Variants in ARHGAP10 observed in about 807,000 individuals in gnomAD.
ARHGAP10 encodes the protein rho GTPase-activating protein 10.
In ARHGAP10, 87 loss-of-function variants were observed where a neutral mutation model predicts 108.6. That is an observed-to-expected ratio of 0.80 (90% CI 0.67 to 0.96). The LOEUF is 0.96. Ranked by LOEUF, ARHGAP10 falls within the 40% of genes least tolerant of loss-of-function variation. The probability of loss-of-function intolerance (pLI) is 0.00; values close to 1 mark genes in which losing one functional copy is unlikely to be tolerated. For missense variants in ARHGAP10, 939 were observed against 954.5 expected (o/e 0.98, Z 0.21); for synonymous variants, 347 against 341.1 (o/e 1.02, Z -0.19).
chr4:148,068,711 C>G (rs2149694537), intron 22 of ARHGAP10, among the ~76,000 whole-genome samples: 1 of 152,236 alleles, frequency 6.6e-6, no homozygotes, highest in Middle Eastern at 3.4e-3. Flanking sequence ...AGGACAGAGC[C>G]CAGGACGCAG....
chr4:147,900,729 A>C (rs1352476380), intron 10 of ARHGAP10, among the ~76,000 whole-genome samples: 1 of 152,172 alleles, frequency 6.6e-6, no homozygotes, highest in Non-Finnish European at 1.5e-5. Flanking sequence ...TAATGGAGTC[A>C]CTAGTGTTAG....
intron 13 of ARHGAP10, among the ~76,000 whole-genome samples, chr4:147,926,320 T>C (rs1245341691): frequency 6.6e-6 from 1 of 151,866 alleles, no homozygotes; most frequent in Non-Finnish European, 1.5e-5. Flanking sequence ...AGATAAGAAA[T>C]GATGGAGGTT....
chr4:148,024,739 C>T (rs1741700698), intron 19 of ARHGAP10, among the ~76,000 whole-genome samples: 1 of 152,192 alleles, frequency 6.6e-6, no homozygotes, highest in Non-Finnish European at 1.5e-5. Context: ...TTTATTCTGT[C>T]TCTTTCTTAC....
chr4:148,070,254 C>T (rs1333890997), intron 22 of ARHGAP10, among the ~76,000 whole-genome samples: 1 of 152,050 alleles, frequency 6.6e-6, no homozygotes, highest in Non-Finnish European at 1.5e-5. Flanking sequence ...GGAGAGGAGT[C>T]CTGGAAGTGG....
chr4:148,055,572 C>T (rs528310445), intron 20 of ARHGAP10, among the ~76,000 whole-genome samples: 1 of 152,192 alleles, frequency 6.6e-6, no homozygotes, highest in South Asian at 2.1e-4. Context: ...ACCTGTAATC[C>T]CAGCTACTCG....
chr4:147,855,816 T>A (rs1383703390), intron 4 of ARHGAP10, among the ~76,000 whole-genome samples: 1 of 152,028 alleles, frequency 6.6e-6, no homozygotes, highest in Non-Finnish European at 1.5e-5. Flanking sequence ...GGCTTTTAGA[T>A]GACCTGACAG....
At chr4:148,001,657 T>G (rs1454619077) in intron 18 of ARHGAP10, among the ~76,000 whole-genome samples, 3 of 151,218 alleles carry the variant, frequency 2.0e-5, no homozygotes, top group African/African-American at 7.3e-5. Flanking sequence ...TTCTAGGTAT[T>G]TTATTCTCTT....
At chr4:147,869,313 C>T (rs1310406476) in intron 7 of ARHGAP10, among the ~76,000 whole-genome samples, 2 of 152,006 alleles carry the variant, frequency 1.3e-5, no homozygotes, top group African/African-American at 2.4e-5. Context: ...TTGCACGGCT[C>T]GTTTATTTGT....
intron 3 of ARHGAP10, among the ~76,000 whole-genome samples, chr4:147,840,091 G>A (rs1286679498): frequency 1.3e-5 from 2 of 152,122 alleles, no homozygotes; most frequent in Non-Finnish European, 2.9e-5. Flanking sequence ...CTCTTGGCCA[G>A]CTTTCTCCCA....
In ARHGAP10 at chr4:147,732,511, C is replaced by A. The variant is rs1728257527; in HGVS notation, c.154+56C>A. 1.9e-6 allele frequency: 3 copies of A among 1,598,224 alleles called. No homozygotes were observed. In the South Asian group the frequency reaches 3.4e-5, roughly 18 times the overall value. ...CGGCGTGGCGAGGCGGCTGGGGGAG[C>A]CTCTCTCGGCAGGAGACGGAGGGTC... On this transcript the variant is annotated intron_variant, in intron 1 of 22. Transcript: ENST00000336498.
chr4:148,023,534 A>G, intron 19 of ARHGAP10, 121 bp downstream of exon 19: 3 of 1,161,800 alleles, frequency 2.6e-6, no homozygotes, highest in Non-Finnish European at 3.4e-6. Flanking sequence ...CCTTAAGATT[A>G]TAATTTTGAG....
At position 147,875,017 on chromosome 4, in the gene ARHGAP10, T is replaced by C; in HGVS notation, c.703-4T>C. 1 of 1,577,982 alleles carries C rather than the reference T, an allele frequency of 6.3e-7. No homozygotes were observed. Among genetic ancestry groups the C allele is most frequent in the Non-Finnish European group, 8.6e-7 (1 of 1,169,014 alleles). On this transcript the variant is annotated splice_polypyrimidine_tract_variant and splice_region_variant and intron_variant, in intron 7 of 22. Coordinates refer to ENST00000336498, the MANE Select transcript of ARHGAP10 (RefSeq NM_024605.4). ...ATTTATGTGTGTTTTTTAATCCATTTCAGACACGGAATCGATTTGAAGGAA... is the reference window on the plus strand; with the variant it reads ...ATTTATGTGTGTTTTTTAATCCATTCCAGACACGGAATCGATTTGAAGGAA...
At chr4:147,914,324 C>T (rs1736869815) in intron 13 of ARHGAP10, among the ~76,000 whole-genome samples, 1 of 152,018 alleles carries the variant, frequency 6.6e-6, no homozygotes, top group African/African-American at 2.4e-5. Context: ...ACCTACCTTC[C>T]TCCTTTCCTG....
rs922022558 is a variant in ARHGAP10, at chr4:147,885,908, T to C, written c.1034+3976T>C. ...AATGTTTAGCTCCCTAATCCTAAAA[T>C]CCGAGATCTATAATGCTTCCAAATG... On this transcript the variant is annotated intron_variant, in intron 10 of 22. Coordinates refer to ENST00000336498, the MANE Select transcript of ARHGAP10 (RefSeq NM_024605.4). Among the ~76,000 whole-genome samples, 5 of 152,192 alleles carry C rather than the reference T, an allele frequency of 3.3e-5. No homozygotes were observed. The South Asian group carries it at 1.0e-3, about 31-fold the overall frequency.
intron 20 of ARHGAP10, among the ~76,000 whole-genome samples, chr4:148,053,697 C>A (rs1363330488): frequency 2.6e-5 from 4 of 152,150 alleles, no homozygotes; most frequent in African/African-American, 9.7e-5. Context: ...AACTTTTGTC[C>A]TGTGTGTTTC....
At chr4:147,828,884 T>TG (rs909158644) in intron 3 of ARHGAP10, among the ~76,000 whole-genome samples, 2 of 151,466 alleles carry the variant, frequency 1.3e-5, no homozygotes, top group Non-Finnish European at 2.9e-5. Flanking sequence ...AAGATAGTTT[T>TG]TTTTTTTTTT....
At chr4:147,993,303 A>G (rs1218988763) in intron 18 of ARHGAP10, among the ~76,000 whole-genome samples, 1 of 152,222 alleles carries the variant, frequency 6.6e-6, no homozygotes, top group Non-Finnish European at 1.5e-5. Flanking sequence ...GGGTGGGAAT[A>G]TAGATGAACT....
At chr4:147,795,910 G>T (rs920891950) in intron 1 of ARHGAP10, among the ~76,000 whole-genome samples, 15 of 151,958 alleles carry the variant, frequency 9.9e-5, no homozygotes, top group Non-Finnish European at 2.2e-4. Flanking sequence ...GGACAAGCTG[G>T]TCTCAAACTC....
At chr4:147,840,629 A>C (rs1579104461) in intron 3 of ARHGAP10, among the ~76,000 whole-genome samples, 1 of 152,170 alleles carries the variant, frequency 6.6e-6, no homozygotes, top group Non-Finnish European at 1.5e-5. Context: ...GGCTTATGTT[A>C]AACTTTCAGT....
Sources: allele counts gnomAD v4.1 joint callset (sites outside exome capture counted in the v4.1 genomes callset), GRCh38; gene constraint gnomAD v4.1.1; transcripts MANE v1.5; gene names NCBI Gene and HGNC (gene_info 2026-07-23, HGNC 2026-07-21).